The following CC2D2A variants were observed in gnomAD, a reference collection of about 807,000 sequenced individuals.
CC2D2A encodes the protein coiled-coil and C2 domain-containing protein 2A.
A neutral mutation model predicts 212.9 loss-of-function variants in CC2D2A; 155 were observed. That is an observed-to-expected ratio of 0.73 (90% CI 0.64 to 0.83). CC2D2A has a LOEUF of 0.83. Among genes scored for constraint, CC2D2A ranks in the 40% least tolerant of loss-of-function variants. The probability of loss-of-function intolerance (pLI) is 0.00; values close to 1 mark genes in which losing one functional copy is unlikely to be tolerated. For missense variants in CC2D2A, 1,856 were observed against 1,956.2 expected, an observed-to-expected ratio of 0.95 and a Z score of 0.97; for synonymous variants, 667 against 686.5, an observed-to-expected ratio of 0.97 and a Z score of 0.44.
intron 14 of CC2D2A, 41 bp downstream of exon 14, chr4:15,533,374 A>G: frequency 7.3e-7 from 1 of 1,375,386 alleles, no homozygotes; most frequent in East Asian, 2.6e-5. Context: ...GCTATATCAT[A>G]CATTAAGAAA....
At chr4:15,479,219 G>A in intron 3 of CC2D2A, 3 of 1,536,288 alleles carry the variant, frequency 2.0e-6, no homozygotes, top group Non-Finnish European at 2.6e-6. Flanking sequence ...TGTCTTTGAG[G>A]CAGAAGCCAA....
intron 16 of CC2D2A, among the ~76,000 whole-genome samples, chr4:15,539,772 T>C (rs548229484): frequency 1.3e-5 from 2 of 152,322 alleles, no homozygotes; most frequent in African/African-American, 4.8e-5. Flanking sequence ...TTGGGCTTGA[T>C]TTGGTAATCT....
intron 33 of CC2D2A, among the ~76,000 whole-genome samples, chr4:15,591,008 G>A (rs148902219): frequency 0.021 from 3,262 of 152,056 alleles, 127 homozygotes; most frequent in African/African-American, 0.074. Flanking sequence ...GATTACAGGC[G>A]CGAGCCACCA....
At chr4:15,575,329 G>A (rs757741024) in intron 29 of CC2D2A, among the ~76,000 whole-genome samples, 6 of 152,170 alleles carry the variant, frequency 3.9e-5, no homozygotes, top group African/African-American at 1.4e-4. Context: ...CATAGGCAGA[G>A]GTAACACATG....
chr4:15,492,403 C>G (rs542961332), intron 4 of CC2D2A, among the ~76,000 whole-genome samples: 1 of 151,190 alleles, frequency 6.6e-6, no homozygotes, highest in East Asian at 1.9e-4. Flanking sequence ...ACCCAACAGC[C>G]AGAGTGGTCC....
intron 34 of CC2D2A, 107 bp from the exon 35 acceptor site, chr4:15,597,300 C>T (rs910210186): frequency 2.4e-6 from 2 of 817,034 alleles, no homozygotes; most frequent in African/African-American, 3.5e-5. Flanking sequence ...ATATTATTTT[C>T]TATATCTCGA....
intron 4 of CC2D2A, among the ~76,000 whole-genome samples, chr4:15,497,481 C>T (rs538118014): frequency 1.1e-4 from 17 of 152,272 alleles, no homozygotes; most frequent in Admixed American, 3.3e-4. Context: ...ACCTCCCCTG[C>T]AATAATTATG....
chr4:15,471,441 C>T (rs1465787622), intron 1 of CC2D2A, among the ~76,000 whole-genome samples: 1 of 152,096 alleles, frequency 6.6e-6, no homozygotes, highest in African/African-American at 2.4e-5. Context: ...TTCTATCCCC[C>T]AAGCTCTTTT....
chr4:15,566,036 C>T (rs958303965), intron 24 of CC2D2A, among the ~76,000 whole-genome samples: 1 of 152,150 alleles, frequency 6.6e-6, no homozygotes, highest in Non-Finnish European at 1.5e-5. Context: ...AGGTGATAGT[C>T]TATAGAAAGA....
intron 8 of CC2D2A, among the ~76,000 whole-genome samples, chr4:15,512,762 G>A (rs1454875192): frequency 6.6e-6 from 1 of 152,130 alleles, no homozygotes; most frequent in Non-Finnish European, 1.5e-5. Context: ...GACCAGGCTT[G>A]GCCAACGTGG....
intron 7 of CC2D2A, 117 bp from the exon 8 acceptor site, chr4:15,511,130 T>C: frequency 8.8e-7 from 1 of 1,140,836 alleles, no homozygotes; most frequent in Non-Finnish European, 1.2e-6. Context: ...GACAATATGC[T>C]TCGGAGGCCT....
chr4:15,516,043 A>G, intron 10 of CC2D2A, 39 bp downstream of exon 10: 1 of 1,508,104 alleles, frequency 6.6e-7, no homozygotes, highest in African/African-American at 1.4e-5. Flanking sequence ...TAGCCTGGGC[A>G]CACTAGACAT....
chr4:15,567,539 C>T (rs1207753330), intron 25 of CC2D2A, 57 bp downstream of exon 25: 25 of 1,459,666 alleles, frequency 1.7e-5, no homozygotes, highest in Non-Finnish European at 2.3e-5. Flanking sequence ...TAAGAAATGA[C>T]TGTAAACTTC....
chr4:15,497,829 C>A (rs1482021651), intron 4 of CC2D2A, among the ~76,000 whole-genome samples: 2 of 150,894 alleles, frequency 1.3e-5, no homozygotes, highest in Admixed American at 1.3e-4. Context: ...ATGTGTTCTG[C>A]ACATTTTAAA....
chr4:15,514,610 A>C, intron 8 of CC2D2A, 97 bp from the exon 9 acceptor site: 1 of 897,796 alleles, frequency 1.1e-6, no homozygotes. Context: ...ATAAAGTTGT[A>C]GGAAATGTTA....
chr4:15,514,585 TA>T lies in CC2D2A; in HGVS notation c.718-115del, dbSNP rs1560159606. ...ATATAGTTCTATGCTTTCACTTTTT[TA>T]AAAAAAGGAAAAGATAAAGTTGTAG... On this transcript the variant is annotated intron_variant, in intron 8 of 36. Coordinates refer to ENST00000424120, the MANE Select transcript of CC2D2A (RefSeq NM_001378615.1). 8.7e-6 allele frequency: 7 copies of T among 806,948 alleles called. No homozygotes were observed. The South Asian group carries it at 9.5e-5, about 11-fold the overall frequency. 50.0% of individuals were successfully genotyped at this position (806,948 alleles called of 1,614,324 possible). A position where few individuals can be genotyped will look rare whatever the true frequency, so the allele number is the denominator to read the frequency against.
Position 15,601,475 on chromosome 4 carries a change from G to T in CC2D2A, c.*50G>T. The T allele has an allele frequency of 8.3e-7, 1 of 1,205,206 alleles. No individual in the cohort carries two copies. The highest frequency in any genetic ancestry group is 1.1e-6 in the Non-Finnish European group (1 of 900,580). 74.7% of individuals were successfully genotyped at this position (1,205,206 alleles called of 1,614,324 possible). A position where few individuals can be genotyped will look rare whatever the true frequency, so the allele number is the denominator to read the frequency against. The stretch of plus-strand genomic sequence containing the variant: ...CATGTAAAAACTACACTTAGGATAT[G>T]AGAAAATTTTAAATTATATGCATCA... On this transcript the variant is annotated 3_prime_UTR_variant, in exon 37 of 37. Transcript: ENST00000424120.
At position 15,528,607 on chromosome 4, in the gene CC2D2A, A is replaced by G. The variant is rs1311322428; in HGVS notation, c.1360-13A>G. Reference sequence around the variant, plus strand: ...AGTTTGTAACCCAAAACTTGTATCCATGTCGTTTTAAGCTCCAAGCTTTAA... The same window carrying G: ...AGTTTGTAACCCAAAACTTGTATCCGTGTCGTTTTAAGCTCCAAGCTTTAA... On this transcript the variant is annotated splice_polypyrimidine_tract_variant and intron_variant, in intron 12 of 36. Coordinates refer to ENST00000424120, the MANE Select transcript of CC2D2A (RefSeq NM_001378615.1). 1.9e-6 allele frequency: 3 copies of G among 1,609,972 alleles called. No homozygotes were observed. The highest frequency in any genetic ancestry group is 2.2e-5 in the East Asian group (1 of 44,878).
At chr4:15,493,002 T>G (rs1055101676) in intron 4 of CC2D2A, 2 of 415,838 alleles carry the variant, frequency 4.8e-6, no homozygotes, top group Non-Finnish European at 9.2e-6. Context: ...GGATGACCTA[T>G]GTGGTTGCAT....
Sources: allele counts gnomAD v4.1 joint callset (sites outside exome capture counted in the v4.1 genomes callset), GRCh38; gene constraint gnomAD v4.1.1; transcripts MANE v1.5; gene names NCBI Gene and HGNC (gene_info 2026-07-23, HGNC 2026-07-21).